Variants in CDK14 observed in about 807,000 individuals in gnomAD.
The protein encoded by CDK14 is cyclin-dependent kinase 14.
In CDK14, 34 loss-of-function variants were observed where a neutral mutation model predicts 60.7. The ratio of observed to expected loss-of-function variants is 0.56; its 90% CI spans 0.43 to 0.75. CDK14 has a LOEUF of 0.75. Among genes scored for constraint, CDK14 ranks in the 30% least tolerant of loss-of-function variants. The pLI is 0.00. For missense variants in CDK14, 482 were observed against 564.1 expected, an observed-to-expected ratio of 0.85 and a Z score of 1.47; for synonymous variants, 197 against 203.7, an observed-to-expected ratio of 0.97 and a Z score of 0.28.
At chr7:90,726,999 G>A (rs1005036622) in intron 3 of CDK14, among the ~76,000 whole-genome samples, 187 bp downstream of exon 3, 2 of 152,110 alleles carry the variant, frequency 1.3e-5, no homozygotes, top group Admixed American at 6.6e-5. Context: ...TAAGCACTAA[G>A]CAAGCAAATG....
chr7:91,171,636 T>C (rs538541324), intron 14 of CDK14, among the ~76,000 whole-genome samples: 6 of 152,272 alleles, frequency 3.9e-5, no homozygotes, highest in African/African-American at 1.4e-4. Context: ...ATGGTTTATT[T>C]AGTGTTGTCT....
intron 2 of CDK14, among the ~76,000 whole-genome samples, chr7:90,676,990 T>A (rs1343786865): frequency 6.6e-6 from 1 of 151,978 alleles, no homozygotes; most frequent in African/African-American, 2.4e-5. Flanking sequence ...GCTTGAAGAA[T>A]GAAGGGAAGT....
chr7:91,121,489 C>T (rs1345401486), intron 14 of CDK14, among the ~76,000 whole-genome samples: 2 of 152,168 alleles, frequency 1.3e-5, no homozygotes, highest in African/African-American at 4.8e-5. Flanking sequence ...TTCCAAACCT[C>T]AATGCCAAAT....
At chr7:91,092,845 C>G (rs1026939309) in intron 12 of CDK14, among the ~76,000 whole-genome samples, 6 of 152,140 alleles carry the variant, frequency 3.9e-5, no homozygotes, top group African/African-American at 1.4e-4. Flanking sequence ...CCTTAAATTA[C>G]ACATTCACAT....
chr7:90,757,635 C>T (rs1427057519), intron 4 of CDK14, among the ~76,000 whole-genome samples: 6 of 149,862 alleles, frequency 4.0e-5, no homozygotes, highest in South Asian at 2.1e-4. Flanking sequence ...CTCACTCTGT[C>T]GCCCAGGCTG....
At chr7:90,611,854 A>G (rs565419278) in intron 2 of CDK14, among the ~76,000 whole-genome samples, 10 of 125,888 alleles carry the variant, frequency 7.9e-5, no homozygotes, top group Non-Finnish European at 8.0e-5. Flanking sequence ...TTTTTTTGAG[A>G]TGGAGTCTCA....
At chr7:90,932,321 A>G (rs950742099) in intron 8 of CDK14, among the ~76,000 whole-genome samples, 2 of 152,248 alleles carry the variant, frequency 1.3e-5, no homozygotes, top group Admixed American at 1.3e-4. Context: ...CCTGGCCAGC[A>G]TAGTGAGACT....
At chr7:90,943,729 A>G (rs557351827) in intron 8 of CDK14, among the ~76,000 whole-genome samples, 1 of 152,334 alleles carries the variant, frequency 6.6e-6, no homozygotes, top group Non-Finnish European at 1.5e-5. Flanking sequence ...AACGTGATTC[A>G]ACTTTACTCA....
At chr7:91,126,692 A>T (rs1482392190) in intron 14 of CDK14, among the ~76,000 whole-genome samples, 1 of 152,172 alleles carries the variant, frequency 6.6e-6, no homozygotes, top group African/African-American at 2.4e-5. Context: ...ATCAGTAATT[A>T]CAGAGCCAGG....
In CDK14 at chr7:90,716,368, T is replaced by A. The variant is rs564906495; in HGVS notation, c.124-10199T>A. ...CTGAGGTGACTTCCTTCTAAGTTTT[T>A]CCTCCAAAGCTACCAAATAAACCCT... On this transcript the variant is annotated intron_variant, in intron 2 of 14. Coordinates refer to ENST00000380050, the MANE Select transcript of CDK14 (RefSeq NM_001287135.2). 5.3e-5 allele frequency: 8 copies of A among 152,192 alleles called. No individual in the cohort carries two copies. The South Asian group carries it at 1.7e-3, about 32-fold the overall frequency. The allele number at this position is 152,192 out of a possible 1,614,324, so 9.4% of individuals were successfully genotyped here.
intron 2 of CDK14, among the ~76,000 whole-genome samples, chr7:90,677,876 C>T (rs1335854789): frequency 6.6e-6 from 1 of 152,180 alleles, no homozygotes; most frequent in Non-Finnish European, 1.5e-5. Flanking sequence ...TAGTGCCCTG[C>T]TCTAGGGCAT....
intron 8 of CDK14, among the ~76,000 whole-genome samples, chr7:90,937,309 A>G (rs1052186376): frequency 1.3e-5 from 2 of 152,172 alleles, no homozygotes; most frequent in Non-Finnish European, 2.9e-5. Context: ...CCAACTATAA[A>G]AATGAGGTGA....
At chr7:90,840,579 T>A (rs1448470968) in intron 5 of CDK14, among the ~76,000 whole-genome samples, 2 of 152,162 alleles carry the variant, frequency 1.3e-5, no homozygotes, top group African/African-American at 4.8e-5. Context: ...TTTGCTAGGG[T>A]AGGACTGGTG....
chr7:91,151,226 C>T (rs1297192498), intron 14 of CDK14, among the ~76,000 whole-genome samples: 1 of 152,146 alleles, frequency 6.6e-6, no homozygotes, highest in Non-Finnish European at 1.5e-5. Context: ...GGACTGAGAA[C>T]TCAAAAGTCC....
chr7:91,153,504 A>C (rs541777778), intron 14 of CDK14, among the ~76,000 whole-genome samples: 1 of 152,274 alleles, frequency 6.6e-6, no homozygotes, highest in South Asian at 2.1e-4. Context: ...TGATAGACTA[A>C]ATAAAGAAAA....
intron 5 of CDK14, among the ~76,000 whole-genome samples, chr7:90,855,148 A>G (rs1790780466): frequency 6.6e-6 from 1 of 152,244 alleles, no homozygotes; most frequent in African/African-American, 2.4e-5. Context: ...GCAGGAAAGT[A>G]ACTATTTAGA....
intron 2 of CDK14, among the ~76,000 whole-genome samples, chr7:90,663,063 A>T (rs1460915899): frequency 6.6e-6 from 1 of 151,636 alleles, no homozygotes; most frequent in Non-Finnish European, 1.5e-5. Flanking sequence ...GAATGTCTAC[A>T]CACACTTTGG....
chr7:90,649,248 C>CTGTCTTTG, intron 2 of CDK14, among the ~76,000 whole-genome samples: 2 of 25,182 alleles, frequency 7.9e-5, no homozygotes, highest in East Asian at 8.0e-4. Context: ...TTCTTTCTTT[C>CTGTCTTTG]TTTCTTTCTT....
intron 14 of CDK14, among the ~76,000 whole-genome samples, chr7:91,138,375 G>C (rs41359944): frequency 0.025 from 3,866 of 152,192 alleles, 162 homozygotes; most frequent in East Asian, 0.2. Context: ...GTATTTCTTA[G>C]AGCCTCTTGC....
Sources: allele counts gnomAD v4.1 joint callset (sites outside exome capture counted in the v4.1 genomes callset), GRCh38; gene constraint gnomAD v4.1.1; transcripts MANE v1.5; gene names NCBI Gene and HGNC (gene_info 2026-07-23, HGNC 2026-07-21).